Variants in SLC7A8 observed in about 807,000 individuals in gnomAD.
SLC7A8 encodes the protein solute carrier family 7 member 8.
A neutral mutation model predicts 51.2 loss-of-function variants in SLC7A8; 30 were observed. The ratio of observed to expected loss-of-function variants is 0.59; its 90% CI spans 0.44 to 0.80. The LOEUF (loss-of-function observed/expected upper bound fraction) is 0.80. Ranked by LOEUF, SLC7A8 falls within the 30% of genes least tolerant of loss-of-function variation. The pLI, the probability that SLC7A8 is intolerant of heterozygous loss-of-function variation, is 0.00. For synonymous variants in SLC7A8, 257 were observed against 275.8 expected (o/e 0.93, Z 0.67); for missense variants, 612 against 674.4 (o/e 0.91, Z 1.03).
chr14:23,150,938 A>C (rs568970434), intron 3 of SLC7A8, among the ~76,000 whole-genome samples: 1 of 152,348 alleles, frequency 6.6e-6, no homozygotes, highest in South Asian at 2.1e-4. Flanking sequence ...AGTGGGTCAC[A>C]GGTACAGGCT....
Position 23,166,553 on chromosome 14 carries a change from C to T in SLC7A8, c.152-13G>A. Reference sequence around the variant, plus strand: ...CCGATGATGTTCCCTGCATGAGGCACCAAGGGTAAGGAGGGGAGACAGTAG... The same window carrying T: ...CCGATGATGTTCCCTGCATGAGGCATCAAGGGTAAGGAGGGGAGACAGTAG... On this transcript the variant is annotated splice_polypyrimidine_tract_variant and intron_variant, in intron 1 of 10. Coordinates refer to ENST00000316902, the MANE Select transcript of SLC7A8 (RefSeq NM_012244.4). The T allele has an allele frequency of 6.2e-7, 1 of 1,613,688 alleles. No individual in the cohort carries two copies. The highest frequency in any genetic ancestry group is 8.5e-7 in the Non-Finnish European group (1 of 1,179,796).
At chr14:23,141,349 A>C (rs1412456436) in intron 4 of SLC7A8, among the ~76,000 whole-genome samples, 1 of 152,238 alleles carries the variant, frequency 6.6e-6, no homozygotes, top group Non-Finnish European at 1.5e-5. Context: ...ACAAACACTC[A>C]AACATAAGTT....
intron 1 of SLC7A8, among the ~76,000 whole-genome samples, chr14:23,173,293 G>A (rs2048983754): frequency 1.3e-5 from 2 of 152,052 alleles, no homozygotes; most frequent in Admixed American, 1.3e-4. Context: ...TTTAATGGGT[G>A]GAAAAAAAAT....
chr14:23,139,044 A>G (rs756765848), intron 6 of SLC7A8, among the ~76,000 whole-genome samples: 1 of 152,192 alleles, frequency 6.6e-6, no homozygotes, highest in Non-Finnish European at 1.5e-5. Context: ...CTTGTGCAAG[A>G]TTATGTCTTT....
At chr14:23,139,808 G>C (rs191706971) in intron 5 of SLC7A8, among the ~76,000 whole-genome samples, 178 of 152,280 alleles carry the variant, frequency 1.2e-3, no homozygotes, top group African/African-American at 4.1e-3. Context: ...CCAGGAGTTC[G>C]AGGCCAGCCC....
chr14:23,182,761 C>A lies in SLC7A8; in HGVS notation c.151+3G>T. Reference sequence around the variant, plus strand: ...GGGGTCCGCGGGAAGGAATGGAACTCACCTACGATGATACCACAGGCACTG... The same window carrying A: ...GGGGTCCGCGGGAAGGAATGGAACTAACCTACGATGATACCACAGGCACTG... On this transcript the variant is annotated splice_donor_region_variant and intron_variant, in intron 1 of 10. Coordinates refer to ENST00000316902, the MANE Select transcript of SLC7A8 (RefSeq NM_012244.4). The A allele has an allele frequency of 1.3e-6, 2 of 1,569,562 alleles. No individual in the cohort carries two copies. Among genetic ancestry groups the A allele is most frequent in the Non-Finnish European group, 1.7e-6 (2 of 1,159,764 alleles).
At chr14:23,137,031 C>T (rs774604615) in intron 7 of SLC7A8, among the ~76,000 whole-genome samples, 12 of 152,202 alleles carry the variant, frequency 7.9e-5, no homozygotes, top group South Asian at 2.1e-4. Flanking sequence ...GCTGAACTCA[C>T]GGACTCATCT....
intron 3 of SLC7A8, among the ~76,000 whole-genome samples, chr14:23,156,108 C>T (rs1188094716): frequency 3.3e-5 from 5 of 151,906 alleles, no homozygotes; most frequent in Non-Finnish European, 7.4e-5. Flanking sequence ...AAGCGATTCT[C>T]CTGCCTCAGC....
At chr14:23,164,612 T>TTC (rs200002235) in intron 3 of SLC7A8, among the ~76,000 whole-genome samples, 30,856 of 147,540 alleles carry the variant, frequency 0.21, 4,215 homozygotes, top group African/African-American at 0.38. Context: ...GTTTCTTTCT[T>TTC]TTTTTTTTTT....
intron 1 of SLC7A8, among the ~76,000 whole-genome samples, chr14:23,172,260 G>T (rs1050710284): frequency 1.3e-5 from 2 of 152,184 alleles, no homozygotes; most frequent in Admixed American, 6.5e-5. Flanking sequence ...TGGAGGCTTG[G>T]CTCCAAAACA....
chr14:23,130,777 A>G (rs754146682), intron 8 of SLC7A8, among the ~76,000 whole-genome samples: 1 of 152,222 alleles, frequency 6.6e-6, no homozygotes, highest in Non-Finnish European at 1.5e-5. Context: ...CTGCTTCACC[A>G]GTGGACCAAA....
intron 3 of SLC7A8, chr14:23,155,375 T>C (rs2140328650): frequency 6.7e-7 from 1 of 1,496,636 alleles, no homozygotes; most frequent in East Asian, 2.5e-5. Flanking sequence ...CCCTCCTCCC[T>C]TCCTGGCTCT....
chr14:23,172,560 G>A (rs1045188374), intron 1 of SLC7A8, among the ~76,000 whole-genome samples: 1 of 152,184 alleles, frequency 6.6e-6, no homozygotes, highest in Admixed American at 6.5e-5. Flanking sequence ...GCCCATGAAG[G>A]ACCCACATCT....
At chr14:23,143,814 A>G (rs10137792) in intron 3 of SLC7A8, among the ~76,000 whole-genome samples, 2 of 152,160 alleles carry the variant, frequency 1.3e-5, no homozygotes, top group African/African-American at 4.8e-5. Context: ...AGTTAGGCAA[A>G]TCTTCTTCCC....
intron 7 of SLC7A8, among the ~76,000 whole-genome samples, chr14:23,137,077 GCTTT>G (rs1453547886): frequency 6.6e-6 from 1 of 152,174 alleles, no homozygotes; most frequent in Non-Finnish European, 1.5e-5. Context: ...GGCAGGGGGT[GCTTT>G]CTAAGAACCT....
At chr14:23,176,445 T>C (rs1477807469) in intron 1 of SLC7A8, among the ~76,000 whole-genome samples, 3 of 152,198 alleles carry the variant, frequency 2.0e-5, no homozygotes, top group African/African-American at 7.2e-5. Context: ...CTGTCTTGGT[T>C]ACCAATTAGA....
At chr14:23,161,925 T>TAAAA (rs34382575) in intron 3 of SLC7A8, among the ~76,000 whole-genome samples, 7 of 107,156 alleles carry the variant, frequency 6.5e-5, no homozygotes, top group East Asian at 2.6e-4. Context: ...AGACTCCATC[T>TAAAA]AAAAAAAAAA....
At chr14:23,151,106 G>T (rs2048842745) in intron 3 of SLC7A8, among the ~76,000 whole-genome samples, 2 of 152,326 alleles carry the variant, frequency 1.3e-5, no homozygotes, top group South Asian at 4.1e-4. Context: ...GAAAGCTGAA[G>T]AGCTGTGCGG....
chr14:23,167,505 T>C (rs1421790071), intron 1 of SLC7A8, among the ~76,000 whole-genome samples: 1 of 151,972 alleles, frequency 6.6e-6, no homozygotes, highest in Non-Finnish European at 1.5e-5. Context: ...CAGGGGCTGG[T>C]TTTCTCCTGA....
Sources: allele counts gnomAD v4.1 joint callset (sites outside exome capture counted in the v4.1 genomes callset), GRCh38; gene constraint gnomAD v4.1.1; transcripts MANE v1.5; gene names NCBI Gene and HGNC (gene_info 2026-07-23, HGNC 2026-07-21).